The following DSE variants were observed in gnomAD, a reference collection of about 807,000 sequenced individuals.
DSE encodes dermatan-sulfate epimerase.
DSE carries 36 observed loss-of-function variants against 84.4 expected under a neutral mutation model. That is an observed-to-expected ratio of 0.43 (90% CI 0.33 to 0.56). The LOEUF (loss-of-function observed/expected upper bound fraction) is 0.56. Ranked by LOEUF, DSE falls within the 20% of genes least tolerant of loss-of-function variation. DSE has a pLI of 0.06. For missense variants in DSE, 862 were observed against 1,169.6 expected (o/e 0.74, Z 3.84); for synonymous variants, 410 against 430.1 (o/e 0.95, Z 0.58).
rs1296876980 is a variant in DSE at position 116,438,639 on chromosome 6, A to G, written c.*1294A>G. ...AAAGGAACTTAATAAATTATCATAC[A>G]TTCAGCATATTTGAGTCATATATTT... On this transcript the variant is annotated 3_prime_UTR_variant, in exon 6 of 6. Transcript: ENST00000644252. The G allele has an allele frequency of 6.6e-6, 1 of 152,178 alleles. No homozygotes were observed. The highest frequency in any genetic ancestry group is 1.5e-5 in the Non-Finnish European group (1 of 68,006). The allele number at this position is 152,178 out of a possible 1,614,324, so 9.4% of individuals were successfully genotyped here. A position where few individuals can be genotyped will look rare whatever the true frequency, so the allele number is the denominator to read the frequency against.
chr6:116,389,259 G>A (rs776166628), intron 1 of DSE, among the ~76,000 whole-genome samples: 28 of 152,244 alleles, frequency 1.8e-4, no homozygotes, highest in African/African-American at 6.5e-4. Context: ...ATTTTACAGA[G>A]GAGGAAACAG....
chr6:116,367,838 T>A (rs1412142443), upstream of DSE, among the ~76,000 whole-genome samples: 1 of 152,206 alleles, frequency 6.6e-6, no homozygotes, highest in Non-Finnish European at 1.5e-5. Context: ...ATAAGGACTC[T>A]CAGCTAGAAT....
At position 116,258,435 on chromosome 6, in the gene DSE, T is replaced by C; in HGVS notation, c.-575-11T>C. On this transcript the variant is annotated splice_polypyrimidine_tract_variant and intron_variant, in intron 1 of 3. Coordinates refer to the DSE transcript ENST00000430252. ...ATAACTTAGTTGTAATTTTTTTGCTTTTTTTGGTAGGGCTGCCCTGAAGGG... is the reference window on the plus strand; with the variant it reads ...ATAACTTAGTTGTAATTTTTTTGCTCTTTTTGGTAGGGCTGCCCTGAAGGG... 3.9e-6 allele frequency: 3 copies of C among 775,812 alleles called. No individual in the cohort carries two copies. The South Asian group carries it at 4.2e-5, about 11-fold the overall frequency. The allele number at this position is 775,812 out of a possible 1,614,324, so 48.1% of individuals were successfully genotyped here.
At chr6:116,367,214 A>G (rs777009074), upstream of DSE, 1 of 152,256 alleles carries the variant, frequency 6.6e-6, no homozygotes, top group Non-Finnish European at 1.5e-5. Flanking sequence ...TTATCACTGA[A>G]TCAGTAAGTA....
chr6:116,340,666 G>A (rs1439905902), intron 2 of DSE, among the ~76,000 whole-genome samples: 8 of 151,736 alleles, frequency 5.3e-5, no homozygotes. Flanking sequence ...AGGCCCTGGT[G>A]TGTGATGTTC....
At chr6:116,259,242 C>A in intron 2 of DSE, 1 of 599,346 alleles carries the variant, frequency 1.7e-6, no homozygotes, top group Non-Finnish European at 2.9e-6. Context: ...TTTAAAATAT[C>A]TATTTTAAAA....
intron 2 of DSE, among the ~76,000 whole-genome samples, chr6:116,310,240 C>T (rs1385710845): frequency 6.6e-6 from 1 of 151,952 alleles, no homozygotes; most frequent in Non-Finnish European, 1.5e-5. Flanking sequence ...TCCTTTTTTT[C>T]TCAGTCTCTA....
chr6:116,430,469 A>G (rs1783753522), intron 3 of DSE, among the ~76,000 whole-genome samples: 1 of 152,226 alleles, frequency 6.6e-6, no homozygotes. Context: ...GTGATCTTAC[A>G]TGTGATACAG....
intron 2 of DSE, among the ~76,000 whole-genome samples, chr6:116,403,091 G>T (rs1392789299): frequency 6.6e-6 from 1 of 152,162 alleles, no homozygotes; most frequent in Non-Finnish European, 1.5e-5. Flanking sequence ...ATAACAGCAT[G>T]CATTTTTATT....
At chr6:116,412,592 C>G (rs1782450000) in intron 2 of DSE, 1 of 152,200 alleles carries the variant, frequency 6.6e-6, no homozygotes. Context: ...GGCTTTGAAA[C>G]TTTTTCACTG....
rs1322628152 is a variant in DSE, at chr6:116,258,760, C to T, written c.-261C>T. Reference sequence around the variant, plus strand: ...GCGTGTGGAGTCCTCCCGGGGACCACTGTTGATGATGGCGTTCACCAGGAC... The same window carrying T: ...GCGTGTGGAGTCCTCCCGGGGACCATTGTTGATGATGGCGTTCACCAGGAC... On this transcript the variant is annotated 5_prime_UTR_variant, in exon 2 of 4. Transcript: ENST00000430252. The T allele has an allele frequency of 4.3e-6, 7 of 1,610,076 alleles. No homozygotes were observed. In the African/African-American group the frequency reaches 5.3e-5, roughly 12 times the overall value.
chr6:116,350,846 C>G (rs1360410736), intron 2 of DSE, among the ~76,000 whole-genome samples: 4 of 151,874 alleles, frequency 2.6e-5, no homozygotes, highest in Admixed American at 6.6e-5. Context: ...CTTTTCCATG[C>G]CTTTAGACAT....
At position 116,436,136 on chromosome 6, in the gene DSE, G is replaced by C; in HGVS notation, c.1668G>C (p.Arg556Ser). The change falls in exon 6 of 6, where the codon AGG becomes AGC. Residue 556 changes from arginine to serine, a missense_variant. This residue lies in a region of DSE where 186 missense variants were observed against 255.1 expected (regional missense o/e 0.73). Coordinates refer to ENST00000644252, the MANE Select transcript of DSE (RefSeq NM_013352.4). ...NPQLNLKNVQ[R>S]NLILLHPQLL... ...AGCTCAACCTGAAGAATGTTCAGAG[G>C]AATCTCATCCTCCTACATCCACAGC... 1.9e-6 allele frequency: 3 copies of C among 1,612,946 alleles called. No homozygotes were observed. Among genetic ancestry groups the C allele is most frequent in the Non-Finnish European group, 2.5e-6 (3 of 1,180,014 alleles).
upstream of DSE, chr6:116,370,863 C>G (rs1043204967): frequency 5.9e-5 from 58 of 985,810 alleles, no homozygotes; most frequent in Admixed American, 3.1e-4. Context: ...TTTCCTCCCC[C>G]CTCCAGCGGA....
At chr6:116,271,413 T>C (rs907484939) in intron 2 of DSE, among the ~76,000 whole-genome samples, 3 of 152,296 alleles carry the variant, frequency 2.0e-5, no homozygotes, top group East Asian at 1.9e-4. Context: ...AAAGGAGCAG[T>C]TGGAGCTGAA....
At chr6:116,281,923 T>A (rs73548928) in intron 2 of DSE, among the ~76,000 whole-genome samples, 20,408 of 152,268 alleles carry the variant, frequency 0.13, 1,472 homozygotes, top group South Asian at 0.16. Flanking sequence ...AATGAATTTC[T>A]ATATATGTTT....
In DSE at chr6:116,443,992, A is replaced by G. The variant is rs1006399005; in HGVS notation, c.*6647A>G. The G allele has an allele frequency of 2.0e-5, 3 of 152,180 alleles. No homozygotes were observed. The highest frequency in any genetic ancestry group is 7.2e-5 in the African/African-American group (3 of 41,426). The allele number at this position is 152,180 out of a possible 1,614,324, so 9.4% of individuals were successfully genotyped here. Reference sequence around the variant, plus strand: ...CAGGATCAGAGACCTCCAGTAAAATAAAAGGAATTTCTGTTTATTGTCTCC... The same window carrying G: ...CAGGATCAGAGACCTCCAGTAAAATGAAAGGAATTTCTGTTTATTGTCTCC... On this transcript the variant is annotated 3_prime_UTR_variant, in exon 6 of 6. Coordinates refer to ENST00000644252, the MANE Select transcript of DSE (RefSeq NM_013352.4).
intron 2 of DSE, among the ~76,000 whole-genome samples, chr6:116,316,176 T>C (rs556115143): frequency 6.6e-6 from 1 of 152,318 alleles, no homozygotes; most frequent in African/African-American, 2.4e-5. Context: ...ATTTTATAAA[T>C]CTTTAAAATG....
chr6:116,426,715 G>A lies in DSE; in HGVS notation c.558G>A (p.Gly186=). The change falls in exon 3 of 6, where the codon GGG becomes GGA. Residue 186 remains glycine, a synonymous_variant. Coordinates refer to ENST00000644252, the MANE Select transcript of DSE (RefSeq NM_013352.4). ...TTGAAGTGATTGCCAATGCCTCAGGGTATATGTATGAAACTTCATACAGGA... is the reference window on the plus strand; with the variant it reads ...TTGAAGTGATTGCCAATGCCTCAGGATATATGTATGAAACTTCATACAGGA... ...KFLEVIANAS[G]YMYETSYRRG... is the part of the protein sequence containing the mutation. The A allele has an allele frequency of 6.2e-7, 1 of 1,614,166 alleles. No homozygotes were observed. Among genetic ancestry groups the A allele is most frequent in the Non-Finnish European group, 8.5e-7 (1 of 1,180,032 alleles).
Sources: allele counts gnomAD v4.1 joint callset (sites outside exome capture counted in the v4.1 genomes callset), GRCh38; gene constraint gnomAD v4.1.1; regional missense constraint gnomAD v4.1.1; transcripts MANE v1.5; gene names NCBI Gene and HGNC (gene_info 2026-07-23, HGNC 2026-07-21).